The following TLN1 variants were observed in gnomAD, a reference collection of about 807,000 sequenced individuals.
The protein encoded by TLN1 is talin 1.
Under a neutral mutation model 292.3 loss-of-function variants are expected in TLN1, and 56 were observed. The observed-to-expected ratio is 0.19, with a 90% CI of 0.15 to 0.24. The LOEUF is 0.24. TLN1 is among the 10% of genes least tolerant of loss of function. The pLI, the probability that TLN1 is intolerant of heterozygous loss-of-function variation, is 1.00. For missense variants in TLN1, 2,433 were observed against 3,248.2 expected, an observed-to-expected ratio of 0.75 and a Z score of 6.10; for synonymous variants, 1,119 against 1,253.7, an observed-to-expected ratio of 0.89 and a Z score of 2.27.
chr9:35,703,418 T>C (rs576807837), intron 48 of TLN1, 142 bp downstream of exon 48: 5 of 767,248 alleles, frequency 6.5e-6, no homozygotes, highest in Non-Finnish European at 1.1e-5. Context: ...AGCAAGACCC[T>C]TCTCAAAAAA....
At chr9:35,713,819 AAAG>A in intron 25 of TLN1, 131 bp downstream of exon 25, 2 of 947,132 alleles carry the variant, frequency 2.1e-6, no homozygotes, top group Non-Finnish European at 3.0e-6. Flanking sequence ...AAGGAAGAAG[AAAG>A]AAAAGAAAAA....
At chr9:35,721,580 G>A in intron 10 of TLN1, 68 bp downstream of exon 10, 22 of 1,550,308 alleles carry the variant, frequency 1.4e-5, no homozygotes, top group Non-Finnish European at 1.9e-5. Flanking sequence ...AGAGAGGGAA[G>A]AGACCTCTGC....
chr9:35,718,506 A>C (rs1825824142), intron 17 of TLN1, among the ~76,000 whole-genome samples: 1 of 152,140 alleles, frequency 6.6e-6, no homozygotes, highest in Non-Finnish European at 1.5e-5. Flanking sequence ...GGCATGGTCT[A>C]TAGCATTGTG....
chr9:35,704,542 G>C lies in TLN1; in HGVS notation c.5881-44C>G. Reference sequence around the variant, plus strand: ...ATGGTGACTGTGGAAGGTGCCATGTGAAATGGAAAGGTTGCCCATGCCTGG... The same window carrying C: ...ATGGTGACTGTGGAAGGTGCCATGTCAAATGGAAAGGTTGCCCATGCCTGG... On this transcript the variant is annotated intron_variant, in intron 44 of 56. Transcript: ENST00000314888. The surrounding 1 kb of genome is among the most constrained non-coding windows in gnomAD (Gnocchi z 6.9). The C allele has an allele frequency of 6.3e-7, 1 of 1,583,710 alleles. No individual in the cohort carries two copies. Among genetic ancestry groups the C allele is most frequent in the Non-Finnish European group, 8.6e-7 (1 of 1,163,140 alleles).
chr9:35,705,728 T>C (rs772029114), intron 42 of TLN1, 22 bp downstream of exon 42: 30 of 1,614,094 alleles, frequency 1.9e-5, no homozygotes, highest in Non-Finnish European at 2.5e-5. Flanking sequence ...AGGGCAGTCC[T>C]CTGGGACTCG....
At position 35,719,496 on chromosome 9, in the gene TLN1, C is replaced by G; in HGVS notation, c.1687+23G>C. 3 of 1,605,050 alleles carry G rather than the reference C, an allele frequency of 1.9e-6. No homozygotes were observed. The highest frequency in any genetic ancestry group is 2.6e-6 in the Non-Finnish European group (3 of 1,172,336). ...TGCACCCCCTCTCCCCATCACACAC[C>G]CGGAAGCTAGCATCCGGCCTACCTG... On this transcript the variant is annotated intron_variant, in intron 15 of 56. Coordinates refer to ENST00000314888, the MANE Select transcript of TLN1 (RefSeq NM_006289.4). This position sits in a 1 kb window ranked among gnomAD's most constrained non-coding sequence, Gnocchi z 4.6.
intron 48 of TLN1, among the ~76,000 whole-genome samples, chr9:35,701,053 G>A (rs1180586021): frequency 6.6e-6 from 1 of 152,170 alleles, no homozygotes; most frequent in Non-Finnish European, 1.5e-5. Flanking sequence ...AGGTGGTCAG[G>A]GAAGGGCTCT....
rs551186847 is a variant in TLN1 at position 35,704,605 on chromosome 9, G to A, written c.5880+64C>T. ...CAGGAGAGGGCTGAGAGGGCTGGAG[G>A]AGGATGGCAAAGGCTACAGAGTTTG... is the stretch of plus-strand genomic sequence containing the variant. On this transcript the variant is annotated intron_variant, in intron 44 of 56. Transcript: ENST00000314888. The surrounding 1 kb of genome is among the most constrained non-coding windows in gnomAD (Gnocchi z 6.9). 1.0e-4 allele frequency: 166 copies of A among 1,601,782 alleles called. 1 individual carries two copies. The South Asian group carries it at 1.8e-3, about 17-fold the overall frequency.
At position 35,704,182 on chromosome 9, in the gene TLN1, A is replaced by G. The variant is rs62545554; in HGVS notation, c.6048-8T>C. 2.2e-5 allele frequency: 35 copies of G among 1,583,410 alleles called. No homozygotes were observed. Among genetic ancestry groups the G allele is most frequent in the Non-Finnish European group, 3.0e-5 (35 of 1,163,368 alleles). ...GTCTTCAGGATGCCCTCCCTGAGGG[A>G]GGGCCCAGCTTAGTCAGATCTCCCC... On this transcript the variant is annotated splice_region_variant and splice_polypyrimidine_tract_variant and intron_variant, in intron 45 of 56. Transcript: ENST00000314888. The surrounding 1 kb of genome is among the most constrained non-coding windows in gnomAD (Gnocchi z 6.9).
rs570805918 is a variant in TLN1 at position 35,710,624 on chromosome 9, C to G, written c.4263G>C (p.Glu1421Asp). Residue 1421 changes from glutamate (E) to aspartate (D), a missense_variant, in exon 33 of 57, where the codon GAG becomes GAC. Glu to Asp is a conservative substitution (Grantham distance 45). This residue lies in a region of TLN1 where 1,384 missense variants were observed against 1,699.6 expected (regional missense o/e 0.81). Transcript: ENST00000314888. ...AGGCTGTGGAAATGGCATCTCCAAA[C>G]TCTGGCAGGTTTCCGTTCTTGGCAT... Reference protein sequence around the residue: ...SQNAKNGNLPEFGDAISTASK... With the variant: ...SQNAKNGNLPDFGDAISTASK... 1 of 1,614,258 alleles carries G rather than the reference C, an allele frequency of 6.2e-7. No individual in the cohort carries two copies. Among genetic ancestry groups the G allele is most frequent in the Non-Finnish European group, 8.5e-7 (1 of 1,180,058 alleles).
chr9:35,718,902 C>T lies in TLN1; in HGVS notation c.1905G>A (p.Gln635=). 6.2e-7 allele frequency: 1 copy of T among 1,612,348 alleles called. No individual in the cohort carries two copies. The highest frequency in any genetic ancestry group is 8.5e-7 in the Non-Finnish European group (1 of 1,179,152). The change falls in exon 17 of 57, where the codon CAG becomes CAA. Residue 635 remains glutamine, a synonymous_variant. Transcript: ENST00000314888. ...CGTTCCCAGCTGCTTGCAGCAGGTT[C>T]TGACGGGGCTGTGGAGAGTGAACAC... ...SAQPASAEPR[Q]NLLQAAGNVG...
rs768383698 is a variant in TLN1 at position 35,706,027 on chromosome 9, C to T, written c.5446G>A (p.Glu1816Lys). The change falls in exon 41 of 57, where the codon GAG (glutamate) becomes AAG (lysine). Residue 1816 changes from glutamate (E) to lysine (K), a missense_variant. Physicochemically the swap from Glu to Lys is moderately conservative, Grantham distance 56. Around this residue, in one of 7 missense-constraint regions of TLN1, gnomAD observed 1,384 missense variants for 1,699.6 expected, o/e 0.81. Coordinates refer to ENST00000314888, the MANE Select transcript of TLN1 (RefSeq NM_006289.4). This position sits in a 1 kb window ranked among gnomAD's most constrained non-coding sequence, Gnocchi z 4.2. Reference protein sequence around the residue: ...AVEDLTTTLNEAASAAGVVGG... With the variant: ...AVEDLTTTLNKAASAAGVVGG... ...ACGACCCCAGCAGCACTGGCTGCCT[C>T]GTTGAGGGTTGTTGTCAGGTCCTCT... is the stretch of plus-strand genomic sequence containing the variant. 21 of 1,614,066 alleles carry T rather than the reference C, an allele frequency of 1.3e-5. No homozygotes were observed. Among genetic ancestry groups the T allele is most frequent in the Non-Finnish European group, 1.6e-5 (19 of 1,180,040 alleles).
In TLN1 at chr9:35,711,990, C is replaced by A. The variant is rs1328841947; in HGVS notation, c.3681+15G>T. 1.2e-6 allele frequency: 2 copies of A among 1,612,980 alleles called. No homozygotes were observed. The highest frequency in any genetic ancestry group is 1.1e-5 in the South Asian group (1 of 90,998). On this transcript the variant is annotated intron_variant, in intron 28 of 56. Transcript: ENST00000314888. ...TTTGACTCCTACGTTCCCCCACCCC[C>A]TACCGTCCTCCTACCGAGTCACTCA...
chr9:35,731,702 C>A (rs1465188018), intron 1 of TLN1, among the ~76,000 whole-genome samples: 2 of 152,080 alleles, frequency 1.3e-5, no homozygotes, highest in East Asian at 3.8e-4. Flanking sequence ...AAGTTTTAAC[C>A]CCAGCTTTTA....
At chr9:35,701,482 C>G (rs770458521) in intron 48 of TLN1, among the ~76,000 whole-genome samples, 1 of 152,188 alleles carries the variant, frequency 6.6e-6, no homozygotes, top group Non-Finnish European at 1.5e-5. Flanking sequence ...GCTATGTTGT[C>G]CAGACTAGTC....
chr9:35,709,938 C>T (rs1264500910), intron 33 of TLN1, among the ~76,000 whole-genome samples: 2 of 126,586 alleles, frequency 1.6e-5, no homozygotes, highest in Non-Finnish European at 3.2e-5. Flanking sequence ...ACAGGCCAGG[C>T]GCGGTGGCTC....
In TLN1 at chr9:35,700,390, A is replaced by C; in HGVS notation, c.6475-14T>G. On this transcript the variant is annotated splice_polypyrimidine_tract_variant and intron_variant, in intron 48 of 56. Coordinates refer to ENST00000314888, the MANE Select transcript of TLN1 (RefSeq NM_006289.4). Reference sequence around the variant, plus strand: ...GGAACAGAAAACCTGTGGGGGCAGAAGAAGAAGAAAGATTTTACAGTGGCT... The same window carrying C: ...GGAACAGAAAACCTGTGGGGGCAGACGAAGAAGAAAGATTTTACAGTGGCT... 1.2e-5 allele frequency: 19 copies of C among 1,589,562 alleles called. No individual in the cohort carries two copies. Among genetic ancestry groups the C allele is most frequent in the Non-Finnish European group, 1.5e-5 (18 of 1,161,534 alleles).
rs1160694477 is a variant in TLN1 at position 35,725,592 on chromosome 9, G to A, written c.103C>T (p.Arg35Trp). The change falls in exon 2 of 57, where the codon CGG (arginine) becomes TGG (tryptophan). Residue 35 changes from arginine to tryptophan, a missense_variant. Arg to Trp is a moderately radical substitution (Grantham distance 101). Around this residue, in one of 7 missense-constraint regions of TLN1, gnomAD observed 155 missense variants for 287.9 expected, o/e 0.54. Coordinates refer to ENST00000314888, the MANE Select transcript of TLN1 (RefSeq NM_006289.4). ...GGACCAGCTGGGGCCTCTGGGATCCGCTCACGAATGATGCGGCAGGCGTCG... is the reference window on the plus strand; with the variant it reads ...GGACCAGCTGGGGCCTCTGGGATCCACTCACGAATGATGCGGCAGGCGTCG... ...VYDACRIIRE[R>W]IPEAPAGPPS... 3 of 1,613,568 alleles carry A rather than the reference G, an allele frequency of 1.9e-6. No individual in the cohort carries two copies. Among genetic ancestry groups the A allele is most frequent in the Non-Finnish European group, 2.5e-6 (3 of 1,179,764 alleles).
chr9:35,729,877 G>GTA (rs1028160343), intron 1 of TLN1, among the ~76,000 whole-genome samples: 3 of 151,534 alleles, frequency 2.0e-5, no homozygotes, highest in Admixed American at 6.6e-5. Flanking sequence ...GGGAAAAAGG[G>GTA]TATGAGTATA....
Sources: allele counts gnomAD v4.1 joint callset (sites outside exome capture counted in the v4.1 genomes callset), GRCh38; gene constraint gnomAD v4.1.1; regional missense constraint gnomAD v4.1.1; non-coding constraint Gnocchi (gnomAD v3.1); transcripts MANE v1.5; gene names NCBI Gene and HGNC (gene_info 2026-07-23, HGNC 2026-07-21).